The following ARHGAP6 variants were observed in gnomAD, a reference collection of about 807,000 sequenced individuals.
ARHGAP6 encodes rho GTPase-activating protein 6.
ARHGAP6 carries 16 observed loss-of-function variants against 55.7 expected under a neutral mutation model. The ratio of observed to expected loss-of-function variants is 0.29; its 90% CI spans 0.19 to 0.44. The LOEUF (loss-of-function observed/expected upper bound fraction) is 0.44. Among genes scored for constraint, ARHGAP6 ranks in the 20% least tolerant of loss-of-function variants. ARHGAP6 has a pLI of 1.00. For missense variants in ARHGAP6, 698 were observed against 808.9 expected, an observed-to-expected ratio of 0.86 and a Z score of 1.66; for synonymous variants, 382 against 360.9, an observed-to-expected ratio of 1.06 and a Z score of -0.66.
intron 1 of ARHGAP6, among the ~76,000 whole-genome samples, chrX:11,358,437 C>CTTTCTTTCTTTCTT (rs2048961516): frequency 2.3e-5 from 1 of 43,705 alleles, no homozygotes; most frequent in Non-Finnish European, 3.9e-5. Flanking sequence ...CTGTATCTTT[C>CTTTCTTTCTTTCTT]TTTCTTTCTT....
chrX:11,492,937 C>T (rs1295275081), intron 1 of ARHGAP6, among the ~76,000 whole-genome samples: 2 of 111,719 alleles, frequency 1.8e-5, no homozygotes, highest in East Asian at 5.7e-4. Context: ...AGTTTCACTC[C>T]TTACCACTAG....
intron 1 of ARHGAP6, among the ~76,000 whole-genome samples, chrX:11,295,726 C>T (rs1407634529): frequency 8.9e-6 from 1 of 112,027 alleles, no homozygotes; most frequent in Non-Finnish European, 1.9e-5. Context: ...CTTACAAATT[C>T]AGCCCTTTTC....
intron 1 of ARHGAP6, among the ~76,000 whole-genome samples, chrX:11,662,417 C>T (rs1011773842): frequency 7.1e-5 from 8 of 111,924 alleles, no homozygotes; most frequent in Non-Finnish European, 1.5e-4. Context: ...AACACACACA[C>T]ACACACATAC....
intron 1 of ARHGAP6, among the ~76,000 whole-genome samples, chrX:11,558,509 T>G (rs2051344558): frequency 9.0e-6 from 1 of 111,205 alleles, no homozygotes; most frequent in African/African-American, 3.3e-5. Flanking sequence ...CAACTTTAGT[T>G]GCACTAAGAT....
intron 1 of ARHGAP6, among the ~76,000 whole-genome samples, chrX:11,399,567 G>C (rs1308305208): frequency 9.0e-6 from 1 of 111,196 alleles, no homozygotes; most frequent in Non-Finnish European, 1.9e-5. Context: ...ATTAAGATTG[G>C]TGCAAAAGTA....
intron 1 of ARHGAP6, among the ~76,000 whole-genome samples, chrX:11,664,002 C>T (rs1310051209): frequency 1.8e-5 from 2 of 112,698 alleles, no homozygotes; most frequent in Non-Finnish European, 3.8e-5. Flanking sequence ...ATCTCTTTCT[C>T]CAGCTCCCAC....
At chrX:11,446,551 CA>C (rs1370598054) in intron 1 of ARHGAP6, among the ~76,000 whole-genome samples, 1 of 111,327 alleles carries the variant, frequency 9.0e-6, no homozygotes, top group Non-Finnish European at 1.9e-5. Flanking sequence ...CTCTTGTAGC[CA>C]GAAGAGTTGT....
Position 11,629,015 on chromosome X carries a change from G to T in ARHGAP6, c.588+35226C>A, listed in dbSNP as rs185851360. Among the ~76,000 whole-genome samples, 4 of 110,180 alleles carry T rather than the reference G, an allele frequency of 3.6e-5. No homozygotes were observed. In the East Asian group the frequency reaches 1.1e-3, roughly 31 times the overall value. ...TGTGTGTGTGTGTGTGTGTGTGTGT[G>T]TGTGTATACACGAGCTAGAGCTCGA... On this transcript the variant is annotated intron_variant, in intron 1 of 12. Transcript: ENST00000337414.
At chrX:11,572,213 G>C (rs1041511889) in intron 1 of ARHGAP6, among the ~76,000 whole-genome samples, 1 of 110,100 alleles carries the variant, frequency 9.1e-6, no homozygotes, top group Non-Finnish European at 1.9e-5. Flanking sequence ...TATACTTTAA[G>C]TTTTAGGGTA....
At chrX:11,427,804 G>A (rs1256768818) in intron 1 of ARHGAP6, 7 of 744,924 alleles carry the variant, frequency 9.4e-6, no homozygotes, top group Non-Finnish European at 1.1e-5. Context: ...CGGCGCGAAG[G>A]GGGAGGGGGA....
chrX:11,626,710 C>T (rs1271720831), intron 1 of ARHGAP6, among the ~76,000 whole-genome samples: 2 of 111,538 alleles, frequency 1.8e-5, no homozygotes, highest in East Asian at 5.5e-4. Flanking sequence ...AAACTCTTAA[C>T]AAAAATTAAA....
In ARHGAP6 at chrX:11,591,150, C is replaced by G. The variant is rs770913195; in HGVS notation, c.588+73091G>C. Among the ~76,000 whole-genome samples the G allele has an allele frequency of 7.4e-5, 8 of 108,179 alleles. No homozygotes were observed. The East Asian group carries it at 2.3e-3, about 31-fold the overall frequency. 93.9% of individuals were successfully genotyped at this position (108,179 alleles called of 115,157 possible). ...GAGGTTGCAGTGAGCCGAGATCGCA[C>G]CACTGCACTCCAGCCTGGGTGACAG... On this transcript the variant is annotated intron_variant, in intron 1 of 12. Coordinates refer to ENST00000337414, the MANE Select transcript of ARHGAP6 (RefSeq NM_013427.3).
chrX:11,597,250 T>C (rs2051914033), intron 1 of ARHGAP6, among the ~76,000 whole-genome samples: 1 of 112,396 alleles, frequency 8.9e-6, no homozygotes, highest in South Asian at 3.7e-4. Flanking sequence ...GTCCAAGTAC[T>C]GTTATAATTA....
chrX:11,595,854 A>G (rs113975327), intron 1 of ARHGAP6, among the ~76,000 whole-genome samples: 20,313 of 111,668 alleles, frequency 0.18, 1,527 homozygotes, highest in African/African-American at 0.26. Context: ...GAGAAATGCA[A>G]ATCAAAAACA....
At chrX:11,457,649 G>T (rs1209282533) in intron 1 of ARHGAP6, among the ~76,000 whole-genome samples, 1 of 111,562 alleles carries the variant, frequency 9.0e-6, no homozygotes, top group African/African-American at 3.3e-5. Flanking sequence ...AATTCAAACT[G>T]CTCCAGGGCG....
At chrX:11,580,768 A>G (rs775202741) in intron 1 of ARHGAP6, among the ~76,000 whole-genome samples, 1 of 112,523 alleles carries the variant, frequency 8.9e-6, no homozygotes, top group East Asian at 2.8e-4. Flanking sequence ...CATTTCTCTA[A>G]TACTTCCATT....
At chrX:11,515,093 G>A (rs2050825014) in intron 1 of ARHGAP6, among the ~76,000 whole-genome samples, 1 of 111,886 alleles carries the variant, frequency 8.9e-6, no homozygotes, top group Non-Finnish European at 1.9e-5. Context: ...CTCAGCAACA[G>A]TATGTTGTGA....
intron 10 of ARHGAP6, among the ~76,000 whole-genome samples, chrX:11,146,354 C>T (rs1284557433): frequency 8.9e-6 from 1 of 112,116 alleles, no homozygotes; most frequent in Non-Finnish European, 1.9e-5. Flanking sequence ...TGAAGCGAAT[C>T]CCTGGAGGTA....
At chrX:11,265,609 A>G (rs1476752128) in intron 1 of ARHGAP6, 13 of 699,911 alleles carry the variant, frequency 1.9e-5, no homozygotes, top group Non-Finnish European at 2.3e-5. Flanking sequence ...CACAAGATGG[A>G]TGTGAAAGAA....
Sources: gnomAD v4.1 joint callset for allele counts (sites outside exome capture counted in the v4.1 genomes callset) on GRCh38, gnomAD v4.1.1 for gene constraint, MANE v1.5 for transcripts, NCBI Gene and HGNC (gene_info 2026-07-23, HGNC 2026-07-21) for gene names.